Variants in NFIL3 observed in about 807,000 individuals in gnomAD.
NFIL3 encodes the protein nuclear factor interleukin-3-regulated protein.
Under a neutral mutation model 10.0 loss-of-function variants are expected in NFIL3, and 5 were observed. The observed-to-expected ratio is 0.50, with a 90% CI of 0.26 to 1.06. The LOEUF (loss-of-function observed/expected upper bound fraction) is 1.06, where lower values mean the gene tolerates loss of function less well. NFIL3 is among the 50% of genes least tolerant of loss of function. The pLI, the probability that NFIL3 is intolerant of heterozygous loss-of-function variation, is 0.13. For missense variants in NFIL3, 436 were observed against 547.6 expected (o/e 0.80, Z 2.03); for synonymous variants, 202 against 206.5 (o/e 0.98, Z 0.19).
At chr9:91,471,801 A>G in the NFIL3 span, among the ~76,000 whole-genome samples, 4 of 152,132 alleles carry the variant, frequency 2.6e-5, no homozygotes, top group Non-Finnish European at 5.9e-5. Flanking sequence ...CCTAGCATCA[A>G]TGGTCTTTAC....
chr9:91,472,027 T>C, the NFIL3 span, among the ~76,000 whole-genome samples: 282 of 152,360 alleles, frequency 1.9e-3, 1 homozygote, highest in African/African-American at 6.5e-3. Context: ...TGTTGAATAT[T>C]GGCCCCCACT....
upstream of NFIL3, among the ~76,000 whole-genome samples, chr9:91,425,941 T>A (rs1340590380): frequency 1.3e-5 from 2 of 152,230 alleles, no homozygotes; most frequent in Non-Finnish European, 2.9e-5. Context: ...CTGTCCTGCA[T>A]AATCTACCCT....
At chr9:91,432,649 G>T in the NFIL3 span, among the ~76,000 whole-genome samples, 2 of 128,584 alleles carry the variant, frequency 1.6e-5, no homozygotes, top group South Asian at 5.2e-4. Flanking sequence ...ATATATTCCA[G>T]TGAAGTTGTT....
At chr9:91,482,609 C>T in the NFIL3 span, among the ~76,000 whole-genome samples, 6 of 152,194 alleles carry the variant, frequency 3.9e-5, no homozygotes, top group East Asian at 1.2e-3. Flanking sequence ...AAGTGATTCT[C>T]TTGCCTCAGC....
At chr9:91,449,505 A>G in the NFIL3 span, among the ~76,000 whole-genome samples, 1 of 151,998 alleles carries the variant, frequency 6.6e-6, no homozygotes, top group Non-Finnish European at 1.5e-5. Flanking sequence ...GATGTATTAC[A>G]TTTACTGCTT....
At position 91,409,328 on chromosome 9, in the gene NFIL3, C is replaced by A. The variant is rs1289682551; in HGVS notation, c.*18G>T. Reference sequence around the variant, plus strand: ...AAATGACATCTTTCTAAATGCCCAGCTCTTACTCAGTAGTAATTTACCCAG... The same window carrying A: ...AAATGACATCTTTCTAAATGCCCAGATCTTACTCAGTAGTAATTTACCCAG... On this transcript the variant is annotated 3_prime_UTR_variant, in exon 2 of 2. Transcript: ENST00000297689. The A allele has an allele frequency of 1.3e-6, 2 of 1,534,856 alleles. No homozygotes were observed. Among genetic ancestry groups the A allele is most frequent in the South Asian group, 1.3e-5 (1 of 77,352 alleles).
the NFIL3 span, among the ~76,000 whole-genome samples, chr9:91,444,956 T>A: frequency 2.6e-5 from 4 of 152,190 alleles, no homozygotes; most frequent in Non-Finnish European, 5.9e-5. Flanking sequence ...GCCAGAGTCC[T>A]GGGCTGGGCT....
Position 91,410,336 on chromosome 9 carries a change from T to A in NFIL3, c.399A>T (p.Ala133=), listed in dbSNP as rs144575436. ...TGAGTTTCTGAATCTCTTGAGCATA[T>A]GCTGTGGAGCTAATTAAACCAAACT... ...KLKFGLISST[A]YAQEIQKLSN... is the part of the protein sequence containing the mutation. Residue 133 remains alanine, a synonymous_variant, in exon 2 of 2, where the codon GCA becomes GCT. Transcript: ENST00000297689. This position sits in a 1 kb window ranked among gnomAD's most constrained non-coding sequence, Gnocchi z 5.7. 3 of 1,614,236 alleles carry A rather than the reference T, an allele frequency of 1.9e-6. No homozygotes were observed. The highest frequency in any genetic ancestry group is 1.3e-5 in the African/African-American group (1 of 75,064).
chr9:91,430,243 A>G, the NFIL3 span, among the ~76,000 whole-genome samples: 1 of 152,314 alleles, frequency 6.6e-6, no homozygotes, highest in Admixed American at 6.5e-5. Flanking sequence ...GTGAGCATGT[A>G]CATCTACAAG....
the NFIL3 span, among the ~76,000 whole-genome samples, chr9:91,437,493 C>G: frequency 1.3e-5 from 2 of 152,200 alleles, no homozygotes; most frequent in Non-Finnish European, 2.9e-5. Flanking sequence ...CACAGTTACA[C>G]TTTTGTTAGT....
At chr9:91,473,024 T>A in the NFIL3 span, among the ~76,000 whole-genome samples, 15 of 152,288 alleles carry the variant, frequency 9.8e-5, no homozygotes, top group African/African-American at 3.6e-4. Flanking sequence ...TGCCTGTGTA[T>A]CACCAGCAGA....
At chr9:91,423,035 G>C (rs994367929) in intron 1 of NFIL3, among the ~76,000 whole-genome samples, 3 of 152,136 alleles carry the variant, frequency 2.0e-5, no homozygotes, top group Non-Finnish European at 2.9e-5. Context: ...CAACCTTCCC[G>C]AGGGCTTGTA....
At chr9:91,453,504 G>C in the NFIL3 span, among the ~76,000 whole-genome samples, 3 of 151,966 alleles carry the variant, frequency 2.0e-5, no homozygotes, top group African/African-American at 7.3e-5. Context: ...CTTTATTTCG[G>C]AGAGACATAA....
chr9:91,410,347 T>C lies in NFIL3; in HGVS notation c.388A>G (p.Ser130Gly), dbSNP rs767774348. Residue 130 changes from serine to glycine, a missense_variant, in exon 2 of 2, where the codon AGC (serine) becomes GGC (glycine). This residue lies in a region of NFIL3 where 338 missense variants were observed against 399.9 expected (regional missense o/e 0.85). Transcript: ENST00000297689. The surrounding 1 kb of genome is among the most constrained non-coding windows in gnomAD (Gnocchi z 5.7). ...ATCTCTTGAGCATATGCTGTGGAGC[T>C]AATTAAACCAAACTTTAATTTTAGT... ...LSLKLKFGLI[S>G]STAYAQEIQK... is the part of the protein sequence containing the mutation. The C allele has an allele frequency of 4.3e-6, 7 of 1,614,104 alleles. No homozygotes were observed. The African/African-American group carries it at 5.3e-5, about 12-fold the overall frequency.
At chr9:91,414,945 G>A (rs1833623795) in intron 1 of NFIL3, among the ~76,000 whole-genome samples, 1 of 152,214 alleles carries the variant, frequency 6.6e-6, no homozygotes, top group South Asian at 2.1e-4. Flanking sequence ...CCTTATATAA[G>A]AGAGTTTTGT....
At chr9:91,464,015 C>T in the NFIL3 span, among the ~76,000 whole-genome samples, 1 of 152,020 alleles carries the variant, frequency 6.6e-6, no homozygotes, top group African/African-American at 2.4e-5. Context: ...CCATCCTTTA[C>T]TTTTAACATA....
chr9:91,445,329 T>C, the NFIL3 span, among the ~76,000 whole-genome samples: 1 of 152,188 alleles, frequency 6.6e-6, no homozygotes. Context: ...ACCCAGGCTC[T>C]GTGAGGCCAG....
the NFIL3 span, among the ~76,000 whole-genome samples, chr9:91,444,969 G>T: frequency 6.6e-6 from 1 of 152,180 alleles, no homozygotes; most frequent in African/African-American, 2.4e-5. Context: ...GCTGGGCTCA[G>T]GGTCTTGCAA....
At chr9:91,418,082 GGTC>G (rs368403254) in intron 1 of NFIL3, among the ~76,000 whole-genome samples, 180 of 152,186 alleles carry the variant, frequency 1.2e-3, no homozygotes, top group African/African-American at 4.0e-3. Context: ...TTCTTTAAGA[GGTC>G]GTCAGTGTTT....
Sources: allele counts gnomAD v4.1 joint callset (sites outside exome capture counted in the v4.1 genomes callset), GRCh38; gene constraint gnomAD v4.1.1; regional missense constraint gnomAD v4.1.1; non-coding constraint Gnocchi (gnomAD v3.1); transcripts MANE v1.5; gene names NCBI Gene and HGNC (gene_info 2026-07-23, HGNC 2026-07-21).